PMS1: variants seen among roughly 807,000 people sequenced by gnomAD.
PMS1 encodes PMS1 protein homolog 1.
A neutral mutation model predicts 93.1 loss-of-function variants in PMS1; 79 were observed. That is an observed-to-expected ratio of 0.85 (90% CI 0.71 to 1.02). The LOEUF (loss-of-function observed/expected upper bound fraction) is 1.02. Ranked by LOEUF, PMS1 falls within the 50% of genes least tolerant of loss-of-function variation. The pLI is 0.00. For missense variants in PMS1, 1,064 were observed against 1,085.3 expected (o/e 0.98, Z 0.28); for synonymous variants, 335 against 363.4 (o/e 0.92, Z 0.89).
intron 8 of PMS1, 78 bp from the exon 9 acceptor site, chr2:189,854,161 A>T (rs2055077574): frequency 1.4e-6 from 2 of 1,384,940 alleles, no homozygotes; most frequent in Non-Finnish European, 2.0e-6. Context: ...ATTTGTTTAT[A>T]TTTATCTTTT....
At chr2:189,845,150 G>T (rs1327480231) in intron 6 of PMS1, among the ~76,000 whole-genome samples, 7 of 152,044 alleles carry the variant, frequency 4.6e-5, no homozygotes. Flanking sequence ...GAGCCACCAC[G>T]CCCAGCCTCA....
chr2:189,856,379 T>C (rs1054126227), intron 9 of PMS1, among the ~76,000 whole-genome samples: 1 of 152,104 alleles, frequency 6.6e-6, no homozygotes, highest in Non-Finnish European at 1.5e-5. Context: ...TATGTATCTC[T>C]AAGAGATAAA....
At chr2:189,860,410 T>G (rs1214687676) in intron 9 of PMS1, among the ~76,000 whole-genome samples, 1 of 143,754 alleles carries the variant, frequency 7.0e-6, no homozygotes, top group Non-Finnish European at 1.5e-5. Context: ...TGTGTAGTAG[T>G]TTTTTTTTTT....
chr2:189,868,033 C>T (rs1233367656), intron 11 of PMS1, 104 bp downstream of exon 11: 4 of 999,592 alleles, frequency 4.0e-6, no homozygotes, highest in South Asian at 1.3e-5. Context: ...ATATTTTTGT[C>T]TCACTATAAG....
At chr2:189,811,362 C>T (rs1181792202) in intron 4 of PMS1, among the ~76,000 whole-genome samples, 1 of 150,626 alleles carries the variant, frequency 6.6e-6, no homozygotes, top group Non-Finnish European at 1.5e-5. Flanking sequence ...CCAAGGTGGG[C>T]AGATCACTTG....
chr2:189,854,055 T>G lies in PMS1; in HGVS notation c.939T>G (p.Asp313Glu). Residue 313 changes from aspartate to glutamate, a missense_variant, in exon 8 of 13, where the codon GAT becomes GAG. Coordinates refer to ENST00000441310, the MANE Select transcript of PMS1 (RefSeq NM_000534.5). ...ATGTTGATGTAAATTTAACACCAGA[T>G]AAAAGCCAAGTATTATTACAAAATA... The part of the protein sequence containing the change: ...TADVDVNLTP[D>E]KSQVLLQNKE... 6.2e-7 allele frequency: 1 copy of G among 1,600,950 alleles called. No homozygotes were observed. The highest frequency in any genetic ancestry group is 8.5e-7 in the Non-Finnish European group (1 of 1,172,800).
intron 5 of PMS1, among the ~76,000 whole-genome samples, chr2:189,841,813 T>C (rs2053841254): frequency 7.8e-3 from 1 of 128 alleles, no homozygotes; most frequent in Non-Finnish European, 0.014. Flanking sequence ...ACATGTAGAA[T>C]GGGAAGCAGA....
chr2:189,820,293 G>A (rs575713995), intron 5 of PMS1, among the ~76,000 whole-genome samples: 1 of 152,098 alleles, frequency 6.6e-6, no homozygotes, highest in African/African-American at 2.4e-5. Flanking sequence ...TCTCTACCAT[G>A]CTCTCTTCCT....
chr2:189,864,049 G>A lies in PMS1; in HGVS notation c.2163G>A (p.Lys721=). Residue 721 remains lysine, a synonymous_variant, in exon 10 of 13, where the codon AAG becomes AAA. Coordinates refer to ENST00000441310, the MANE Select transcript of PMS1 (RefSeq NM_000534.5). ...AAAACAAAGTTGACTTAGAAGAGAA[G>A]GATGAACCTTGCTTGATCCACAATC... The part of the protein sequence containing the change: ...KKQNKVDLEE[K]DEPCLIHNLR... The A allele has an allele frequency of 6.2e-7, 1 of 1,612,804 alleles. No homozygotes were observed. The highest frequency in any genetic ancestry group is 8.5e-7 in the Non-Finnish European group (1 of 1,178,944).
At position 189,854,904 on chromosome 2, in the gene PMS1, T is replaced by G; in HGVS notation, c.1632T>G (p.Asp544Glu). ...PIPEQMNLNE[D>E]SCNKKSNVID... is the part of the protein sequence containing the mutation. The stretch of plus-strand genomic sequence containing the variant: ...CTGAACAAATGAATCTTAATGAAGA[T>G]TCATGTAACAAAAAATCAAATGTAA... The change falls in exon 9 of 13, where the codon GAT (aspartate) becomes GAG (glutamate). Residue 544 changes from aspartate (D) to glutamate (E), a missense_variant. Asp to Glu is a conservative substitution (Grantham distance 45). Coordinates refer to ENST00000441310, the MANE Select transcript of PMS1 (RefSeq NM_000534.5). 1.2e-6 allele frequency: 2 copies of G among 1,604,436 alleles called. No homozygotes were observed. The highest frequency in any genetic ancestry group is 1.1e-5 in the South Asian group (1 of 90,410).
chr2:189,800,842 T>G (rs2049820851), intron 3 of PMS1, among the ~76,000 whole-genome samples: 1 of 152,202 alleles, frequency 6.6e-6, no homozygotes, highest in African/African-American at 2.4e-5. Flanking sequence ...AAAATGTTAT[T>G]AAGAAGAAAA....
chr2:189,828,460 T>G (rs1378383767), intron 5 of PMS1, among the ~76,000 whole-genome samples: 1 of 152,200 alleles, frequency 6.6e-6, no homozygotes, highest in Non-Finnish European at 1.5e-5. Flanking sequence ...AATTATAAAT[T>G]TAAAATCAAA....
At chr2:189,843,712 T>G (rs1010780871) in intron 5 of PMS1, among the ~76,000 whole-genome samples, 3 of 151,738 alleles carry the variant, frequency 2.0e-5, no homozygotes, top group Non-Finnish European at 4.4e-5. Flanking sequence ...CCAACAACTC[T>G]GAGAAATCTT....
At chr2:189,875,813 T>C (rs936733429) in intron 12 of PMS1, among the ~76,000 whole-genome samples, 2 of 151,122 alleles carry the variant, frequency 1.3e-5, no homozygotes, top group African/African-American at 4.9e-5. Flanking sequence ...TTTAGCCAGG[T>C]GTGGTGGTGC....
intron 7 of PMS1, 84 bp from the exon 8 acceptor site, chr2:189,853,854 CA>C: frequency 1.2e-6 from 1 of 836,772 alleles, no homozygotes; most frequent in Non-Finnish European, 1.9e-6. Context: ...TGCATCTACT[CA>C]ATTTCTCAGT....
At chr2:189,841,086 G>C (rs2053785223) in intron 5 of PMS1, among the ~76,000 whole-genome samples, 1 of 152,080 alleles carries the variant, frequency 6.6e-6, no homozygotes, top group Non-Finnish European at 1.5e-5. Context: ...ATAAATATTG[G>C]CAAAGTAAAA....
chr2:189,855,008 C>G lies in PMS1; in HGVS notation c.1736C>G (p.Ala579Gly). The G allele has an allele frequency of 1.4e-5, 23 of 1,613,226 alleles. No individual in the cohort carries two copies. Among genetic ancestry groups the G allele is most frequent in the Non-Finnish European group, 2.0e-5 (23 of 1,179,326 alleles). ...RVIKKPMSASALFVQDHRPQF... is the reference protein window; with the variant it reads ...RVIKKPMSASGLFVQDHRPQF... ...ATCAAGAAACCCATGTCAGCAAGTGCTCTTTTTGTTCAAGATCATCGTCCT... is the reference window on the plus strand; with the variant it reads ...ATCAAGAAACCCATGTCAGCAAGTGGTCTTTTTGTTCAAGATCATCGTCCT... Residue 579 changes from alanine (A) to glycine (G), a missense_variant, in exon 9 of 13, where the codon GCT (alanine) becomes GGT (glycine). By Grantham distance (60) the Ala-to-Gly change is moderately conservative. Coordinates refer to ENST00000441310, the MANE Select transcript of PMS1 (RefSeq NM_000534.5).
At chr2:189,786,253 T>C (rs895749502) in intron 1 of PMS1, among the ~76,000 whole-genome samples, 1 of 152,168 alleles carries the variant, frequency 6.6e-6, no homozygotes, top group African/African-American at 2.4e-5. Flanking sequence ...TGGTTGGCAA[T>C]TGGAAACCTT....
intron 10 of PMS1, among the ~76,000 whole-genome samples, chr2:189,866,625 A>G (rs938558126): frequency 6.6e-6 from 1 of 152,218 alleles, no homozygotes; most frequent in African/African-American, 2.4e-5. Context: ...AGGGCTCAAT[A>G]ACAATAACCT....
Sources: gnomAD v4.1 joint callset for allele counts (sites outside exome capture counted in the v4.1 genomes callset) on GRCh38, gnomAD v4.1.1 for gene constraint, MANE v1.5 for transcripts, NCBI Gene and HGNC (gene_info 2026-07-23, HGNC 2026-07-21) for gene names.